DHRS4L2: variants seen among roughly 807,000 people sequenced by gnomAD.
DHRS4L2 encodes the protein dehydrogenase/reductase 4 like 2, also known as dehydrogenase/reductase SDR family member 4-like 2.
Under a neutral mutation model 23.9 loss-of-function variants are expected in DHRS4L2, and 22 were observed. That is an observed-to-expected ratio of 0.92 (90% CI 0.66 to 1.31). The LOEUF (loss-of-function observed/expected upper bound fraction) is 1.31. Ranked by LOEUF, DHRS4L2 falls within the 40% of genes most tolerant of loss-of-function variation. The probability of loss-of-function intolerance (pLI) is 0.00; values close to 1 mark genes in which losing one functional copy is unlikely to be tolerated. For synonymous variants in DHRS4L2, 141 were observed against 123.7 expected (o/e 1.14, Z -0.93); for missense variants, 385 against 303.3 (o/e 1.27, Z -2.00).
At chr14:23,971,439 G>C (rs917412331) in intron 1 of DHRS4L2, among the ~76,000 whole-genome samples, 30 of 151,898 alleles carry the variant, frequency 2.0e-4, no homozygotes, top group South Asian at 8.4e-4. Flanking sequence ...AAAGTGAGAA[G>C]ACAAGATTAG....
chr14:23,996,616 T>C (rs1332024438), intron 3 of DHRS4L2, among the ~76,000 whole-genome samples: 1 of 150,444 alleles, frequency 6.6e-6, no homozygotes, highest in South Asian at 2.2e-4. Context: ...TCTTTCTTTC[T>C]TTTTTTAGAC....
chr14:23,974,131 C>A (rs1438763297), intron 1 of DHRS4L2, among the ~76,000 whole-genome samples: 1 of 151,788 alleles, frequency 6.6e-6, no homozygotes, highest in Non-Finnish European at 1.5e-5. Flanking sequence ...AACTGAACAA[C>A]CTGCTCCTGA....
At chr14:23,987,436 A>T (rs1427488120), upstream of DHRS4L2, among the ~76,000 whole-genome samples, 2 of 151,570 alleles carry the variant, frequency 1.3e-5, no homozygotes, top group East Asian at 3.8e-4. Context: ...CTGAATGTCC[A>T]AATCCTTTTT....
At chr14:23,995,821 C>A (rs1025416140) in intron 3 of DHRS4L2, among the ~76,000 whole-genome samples, 1 of 151,762 alleles carries the variant, frequency 6.6e-6, no homozygotes, top group African/African-American at 2.4e-5. Context: ...AATATTCCCA[C>A]ATGATTGGGA....
rs756355763 is a variant in DHRS4L2, at chr14:24,005,849, G to A, written c.*23-37G>A. The A allele has an allele frequency of 6.8e-6, 11 of 1,608,852 alleles. No individual in the cohort carries two copies. In the East Asian group the frequency reaches 2.2e-4, roughly 33 times the overall value. ...CCAGGTGAGGGAGGCAGACCCGTTT[G>A]ATTTTTACCTCCTTCCTTGCTTCCC... On this transcript the variant is annotated intron_variant, in intron 7 of 7. Transcript: ENST00000335125.
rs779636122 is a variant in DHRS4L2 at position 24,001,093 on chromosome 14, C to T, written c.531+9C>T. On this transcript the variant is annotated intron_variant, in intron 5 of 7. Coordinates refer to ENST00000335125, the MANE Select transcript of DHRS4L2 (RefSeq NM_198083.4). The stretch of plus-strand genomic sequence containing the variant: ...CCTTCAGTCCATCTCCTGTAAGAAC[C>T]CTTTTGTCTACCTCTTCCATCCCAC... The T allele has an allele frequency of 8.7e-6, 14 of 1,610,592 alleles. No homozygotes were observed. The highest frequency in any genetic ancestry group is 2.7e-5 in the African/African-American group (2 of 72,942).
rs757295923 is a variant in DHRS4L2 at position 24,005,917 on chromosome 14, G to A, written c.*54G>A. ...CGAGCCAGAGGATTGTGCTGGCATC[G>A]TGTCTTTCCTGTGCTCTGAAGATGC... On this transcript the variant is annotated 3_prime_UTR_variant, in exon 8 of 8. Transcript: ENST00000335125. 3.1e-6 allele frequency: 5 copies of A among 1,607,662 alleles called. No homozygotes were observed. The African/African-American group carries it at 6.7e-5, about 22-fold the overall frequency.
At chr14:24,001,629 C>A (rs2034492075) in intron 6 of DHRS4L2, 112 bp downstream of exon 6, 2 of 1,470,614 alleles carry the variant, frequency 1.4e-6, no homozygotes, top group Non-Finnish European at 1.8e-6. Flanking sequence ...CATTCTCCTT[C>A]CCTGGACTTT....
upstream of DHRS4L2, among the ~76,000 whole-genome samples, chr14:23,986,667 C>A (rs1177533290): frequency 6.6e-6 from 1 of 151,560 alleles, no homozygotes; most frequent in Non-Finnish European, 1.5e-5. Flanking sequence ...GTCTTCCTCA[C>A]TTTCCTGGAA....
At chr14:23,986,756 C>A (rs543134300), upstream of DHRS4L2, among the ~76,000 whole-genome samples, 1 of 150,436 alleles carries the variant, frequency 6.6e-6, no homozygotes, top group Non-Finnish European at 1.5e-5. Context: ...AGGCTTGTCC[C>A]TTTGAACCAA....
chr14:23,986,192 T>A (rs1271242364), upstream of DHRS4L2, among the ~76,000 whole-genome samples: 3 of 151,308 alleles, frequency 2.0e-5, no homozygotes, highest in Admixed American at 6.6e-5. Context: ...TAAGCCAGCT[T>A]GATGAGGAGT....
chr14:24,001,139 A>G lies in DHRS4L2; in HGVS notation c.531+55A>G, dbSNP rs1594476772. On this transcript the variant is annotated intron_variant, in intron 5 of 7. Transcript: ENST00000335125. Reference sequence around the variant, plus strand: ...CCCACCCTCCACTCCACATCTTTCCACCCCTCCTATTACCCAAAGAAGTTT... The same window carrying G: ...CCCACCCTCCACTCCACATCTTTCCGCCCCTCCTATTACCCAAAGAAGTTT... 12 of 1,607,980 alleles carry G rather than the reference A, an allele frequency of 7.5e-6. 2 individuals carry two copies. The East Asian group carries it at 2.7e-4, about 36-fold the overall frequency.
chr14:23,982,631 G>A (rs1305551247), intron 1 of DHRS4L2, among the ~76,000 whole-genome samples: 7 of 151,482 alleles, frequency 4.6e-5, no homozygotes, highest in Non-Finnish European at 8.8e-5. Flanking sequence ...ATGGAACAGA[G>A]GCTGCATAAA....
At chr14:23,987,399 G>A (rs565169801), upstream of DHRS4L2, 5 of 187,390 alleles carry the variant, frequency 2.7e-5, no homozygotes, top group South Asian at 2.8e-4. Flanking sequence ...AAAGTGCTGG[G>A]ATTACAGGGT....
chr14:23,999,542 T>C (rs2034449736), intron 3 of DHRS4L2, among the ~76,000 whole-genome samples: 1 of 147,040 alleles, frequency 6.8e-6, no homozygotes, highest in Admixed American at 6.8e-5. Context: ...GAGGCCAATA[T>C]GTTAGATAAA....
In DHRS4L2 at chr14:23,972,831, A is replaced by ATC. The variant is rs1377671824; in HGVS notation, c.-176+2499_-176+2500insTC. Among the ~76,000 whole-genome samples the ATC allele has an allele frequency of 1.5e-4, 22 of 151,684 alleles. 1 individual carries two copies. The highest frequency in any genetic ancestry group is 2.1e-4 in the Non-Finnish European group (14 of 67,934). ...GATAATAAGGAGAAGGTCAGCAACA[A>ATC]ACGTGAGCAATAGAATCTACATCAT... On this transcript the variant is annotated intron_variant, in intron 1 of 5. Coordinates refer to the DHRS4L2 transcript ENST00000534993.
At chr14:23,970,057 C>T (rs1193151099) in exon 1 of DHRS4L2, 3 of 456,370 alleles carry the variant, frequency 6.6e-6, no homozygotes, top group South Asian at 3.1e-5. Flanking sequence ...GTGTGGGTGG[C>T]GGCGGCTCCT....
intron 6 of DHRS4L2, among the ~76,000 whole-genome samples, 187 bp from the exon 7 acceptor site, chr14:24,004,150 A>G (rs1280637739): frequency 4.8e-5 from 7 of 146,546 alleles, no homozygotes; most frequent in Admixed American, 3.3e-4. Flanking sequence ...GGCGCCTGTA[A>G]TCCCAGCTAC....
intron 3 of DHRS4L2, among the ~76,000 whole-genome samples, chr14:23,997,670 C>G (rs8017432): frequency 3.4e-5 from 5 of 145,856 alleles, no homozygotes; most frequent in South Asian, 2.1e-4. Context: ...TACATTTTAT[C>G]GTGAGATTGT....
Sources: allele counts gnomAD v4.1 joint callset (sites outside exome capture counted in the v4.1 genomes callset), GRCh38; gene constraint gnomAD v4.1.1; transcripts MANE v1.5; gene names NCBI Gene and HGNC (gene_info 2026-07-23, HGNC 2026-07-21).